Variants in GALM observed in about 807,000 individuals in gnomAD.
GALM encodes aldose 1-epimerase.
In GALM, 43 loss-of-function variants were observed where a neutral mutation model predicts 37.4. That is an observed-to-expected ratio of 1.15 (90% CI 0.90 to 1.48). The LOEUF (loss-of-function observed/expected upper bound fraction) is 1.48. GALM is among the 40% of genes most tolerant of loss of function. The pLI is 0.00. For synonymous variants in GALM, 199 were observed against 170.6 expected (o/e 1.17, Z -1.30); for missense variants, 456 against 419.1 (o/e 1.09, Z -0.77).
At chr2:38,710,649 C>T (rs1405152238) in intron 4 of GALM, among the ~76,000 whole-genome samples, 1 of 152,174 alleles carries the variant, frequency 6.6e-6, no homozygotes, top group African/African-American at 2.4e-5. Flanking sequence ...AAGTGATCCT[C>T]CTGCCTCAGG....
Position 38,674,123 on chromosome 2 carries a change from T to C in GALM, c.191-1789T>C, listed in dbSNP as rs139990451. On this transcript the variant is annotated intron_variant, in intron 1 of 6. Coordinates refer to ENST00000272252, the MANE Select transcript of GALM (RefSeq NM_138801.3). ...TTTTGTGTTTTAGTCCTTGTTTAGG[T>C]TGCTAGACTTCACAAATAAAAGTAC... is the stretch of plus-strand genomic sequence containing the variant. 7.3e-3 allele frequency among the ~76,000 whole-genome samples: 1,114 copies of C among 152,174 alleles called. 8 individuals carry two copies. Among genetic ancestry groups the C allele is most frequent in the Middle Eastern group, 0.024 (7 of 292 alleles).
At chr2:38,722,889 C>T (rs1666412630) in intron 4 of GALM, among the ~76,000 whole-genome samples, 1 of 152,300 alleles carries the variant, frequency 6.6e-6, no homozygotes, top group Non-Finnish European at 1.5e-5. Context: ...TGACACTATG[C>T]AGATGTGTCA....
intron 1 of GALM, among the ~76,000 whole-genome samples, chr2:38,670,478 G>C (rs1353056550): frequency 2.6e-5 from 4 of 152,210 alleles, no homozygotes; most frequent in African/African-American, 9.6e-5. Flanking sequence ...GGAGCACCCT[G>C]GTGGGAGCAT....
intron 4 of GALM, among the ~76,000 whole-genome samples, chr2:38,716,410 T>C (rs1666271695): frequency 6.6e-6 from 1 of 152,194 alleles, no homozygotes; most frequent in South Asian, 2.1e-4. Flanking sequence ...GACTGTGAGA[T>C]TCCAAATGTG....
chr2:38,718,401 G>C (rs1666312452), intron 4 of GALM, among the ~76,000 whole-genome samples: 1 of 151,364 alleles, frequency 6.6e-6, no homozygotes. Context: ...GTTTCGCTAT[G>C]TTAGCCAGCC....
intron 1 of GALM, among the ~76,000 whole-genome samples, chr2:38,671,926 C>T (rs1318133095): frequency 6.6e-6 from 1 of 151,752 alleles, no homozygotes; most frequent in Non-Finnish European, 1.5e-5. Flanking sequence ...GTCAAGGCTG[C>T]AATGAGCCGT....
At chr2:38,687,633 C>G (rs565683496) in intron 3 of GALM, among the ~76,000 whole-genome samples, 1 of 151,868 alleles carries the variant, frequency 6.6e-6, no homozygotes, top group South Asian at 2.1e-4. Context: ...ATTGCTTGAA[C>G]CCTGGAAGTG....
At position 38,675,870 on chromosome 2, in the gene GALM, G is replaced by A. The variant is rs745642030; in HGVS notation, c.191-42G>A. 3.1e-6 allele frequency: 5 copies of A among 1,607,076 alleles called. No homozygotes were observed. In the Admixed American group the frequency reaches 6.7e-5, roughly 21 times the overall value. ...AGGTGTGAGCCACCGTGCCCAGCCTGAATTGAAGTTTTAAAAGTGCTGTCA... is the reference window on the plus strand; with the variant it reads ...AGGTGTGAGCCACCGTGCCCAGCCTAAATTGAAGTTTTAAAAGTGCTGTCA... On this transcript the variant is annotated intron_variant, in intron 1 of 6. Transcript: ENST00000272252.
rs778240967 is a variant in GALM at position 38,681,444 on chromosome 2, A to C, written c.510A>C (p.Pro170=). The stretch of plus-strand genomic sequence containing the variant: ...GAGCACAAGCCAGTCAGGCCACACC[A>C]GTCAACCTGACCAACCATTCTTACT... ...NYRAQASQAT[P]VNLTNHSYFN... The change falls in exon 3 of 7, where the codon CCA becomes CCC. Residue 170 remains proline, a synonymous_variant. Transcript: ENST00000272252. 1.2e-6 allele frequency: 2 copies of C among 1,614,200 alleles called. No individual in the cohort carries two copies. Among genetic ancestry groups the C allele is most frequent in the South Asian group, 1.1e-5 (1 of 91,080 alleles).
intron 5 of GALM, among the ~76,000 whole-genome samples, chr2:38,730,054 C>G (rs1395167467): frequency 6.6e-6 from 1 of 152,178 alleles, no homozygotes; most frequent in African/African-American, 2.4e-5. Context: ...TTATGCCTGC[C>G]TACTCCATGG....
intron 4 of GALM, among the ~76,000 whole-genome samples, chr2:38,701,007 C>T (rs1303313315): frequency 6.6e-6 from 1 of 152,150 alleles, no homozygotes; most frequent in Non-Finnish European, 1.5e-5. Context: ...GTGATGAATT[C>T]TGTCAGTTTT....
chr2:38,680,536 G>A lies in GALM; in HGVS notation c.346-744G>A, dbSNP rs186890441. 9.9e-5 allele frequency among the ~76,000 whole-genome samples: 15 copies of A among 152,202 alleles called. No individual in the cohort carries two copies. The East Asian group carries it at 2.9e-3, about 29-fold the overall frequency. Reference sequence around the variant, plus strand: ...TTGTAGGCTACAACTCTTCTTAATGGCACAAATGCCTTATTTGTTTTGAAC... The same window carrying A: ...TTGTAGGCTACAACTCTTCTTAATGACACAAATGCCTTATTTGTTTTGAAC... On this transcript the variant is annotated intron_variant, in intron 2 of 6. Coordinates refer to ENST00000272252, the MANE Select transcript of GALM (RefSeq NM_138801.3).
At chr2:38,715,156 G>T (rs1166709811) in intron 4 of GALM, among the ~76,000 whole-genome samples, 3 of 152,130 alleles carry the variant, frequency 2.0e-5, no homozygotes, top group African/African-American at 7.2e-5. Flanking sequence ...TAAAGTCTAT[G>T]CTGTGTGATG....
Position 38,733,658 on chromosome 2 carries a change from A to G in GALM, c.*93A>G. 1.2e-5 allele frequency: 11 copies of G among 918,218 alleles called. No homozygotes were observed. Among genetic ancestry groups the G allele is most frequent in the Non-Finnish European group, 1.8e-5 (10 of 551,532 alleles). 56.9% of individuals were successfully genotyped at this position (918,218 alleles called of 1,614,324 possible). ...TGAAGATTAAGAAGCTTTCAGAATG[A>G]TTCTATGGATTAAAATCATACAAAT... On this transcript the variant is annotated 3_prime_UTR_variant, in exon 7 of 7. Transcript: ENST00000272252.
intron 4 of GALM, among the ~76,000 whole-genome samples, chr2:38,710,246 A>T (rs987073077): frequency 6.6e-6 from 1 of 152,206 alleles, no homozygotes. Context: ...GCATGTGGTC[A>T]TCAGATGGTC....
intron 2 of GALM, chr2:38,680,113 G>A (rs1402026142): frequency 2.2e-6 from 1 of 449,210 alleles, no homozygotes; most frequent in South Asian, 1.6e-5. Flanking sequence ...CAACCTCCTG[G>A]GCTCAAGCGA....
chr2:38,703,799 G>C (rs1354345671), intron 4 of GALM, among the ~76,000 whole-genome samples: 1 of 152,054 alleles, frequency 6.6e-6, no homozygotes, highest in East Asian at 1.9e-4. Context: ...GATTGCCTGA[G>C]ATCAGGAGTT....
At chr2:38,670,332 T>G (rs1239638726) in intron 1 of GALM, among the ~76,000 whole-genome samples, 2 of 152,218 alleles carry the variant, frequency 1.3e-5, no homozygotes, top group Non-Finnish European at 2.9e-5. Flanking sequence ...GACCTGGCTA[T>G]TAACTGCCAT....
intron 4 of GALM, among the ~76,000 whole-genome samples, chr2:38,718,310 C>A (rs1405502739): frequency 6.6e-6 from 1 of 150,702 alleles, no homozygotes; most frequent in African/African-American, 2.4e-5. Context: ...AGTGATTCTC[C>A]TGCCTCAGCC....
Sources: allele counts gnomAD v4.1 joint callset (sites outside exome capture counted in the v4.1 genomes callset), GRCh38; gene constraint gnomAD v4.1.1; transcripts MANE v1.5; gene names NCBI Gene and HGNC (gene_info 2026-07-23, HGNC 2026-07-21).